Variants in LRMDA observed in about 807,000 individuals in gnomAD.
LRMDA encodes leucine-rich melanocyte differentiation-associated protein.
Under a neutral mutation model 29.8 loss-of-function variants are expected in LRMDA, and 18 were observed. The ratio of observed to expected loss-of-function variants is 0.60; its 90% CI spans 0.42 to 0.90. LRMDA has a LOEUF of 0.90. Among genes scored for constraint, LRMDA ranks in the 40% least tolerant of loss-of-function variants. The pLI, the probability that LRMDA is intolerant of heterozygous loss-of-function variation, is 0.00. For missense variants in LRMDA, 273 were observed against 273.9 expected, an observed-to-expected ratio of 1.00 and a Z score of 0.02; for synonymous variants, 125 against 109.4, an observed-to-expected ratio of 1.14 and a Z score of -0.89.
chr10:75,489,037 A>G (rs1464250925), intron 2 of LRMDA, among the ~76,000 whole-genome samples: 10 of 152,128 alleles, frequency 6.6e-5, no homozygotes, highest in Non-Finnish European at 1.5e-5. Context: ...TTTCCCAGAA[A>G]GATAAATTAC....
chr10:75,752,860 G>T (rs1842984724), intron 2 of LRMDA, among the ~76,000 whole-genome samples: 1 of 152,122 alleles, frequency 6.6e-6, no homozygotes, highest in African/African-American at 2.4e-5. Flanking sequence ...ATTTACTCCT[G>T]CAATTCTGAG....
At chr10:75,888,031 G>A (rs911425453) in intron 2 of LRMDA, among the ~76,000 whole-genome samples, 2 of 152,166 alleles carry the variant, frequency 1.3e-5, no homozygotes, top group African/African-American at 4.8e-5. Flanking sequence ...CTATGTAAGA[G>A]CTCTTTAAAA....
intron 5 of LRMDA, among the ~76,000 whole-genome samples, chr10:76,177,778 C>T (rs949132871): frequency 6.6e-6 from 1 of 152,130 alleles, no homozygotes. Flanking sequence ...GAAAGAGAAC[C>T]AGCATAGGTT....
intron 2 of LRMDA, among the ~76,000 whole-genome samples, chr10:75,752,302 C>A (rs890082361): frequency 2.0e-5 from 3 of 150,614 alleles, no homozygotes; most frequent in African/African-American, 7.3e-5. Flanking sequence ...AGCTCCGCCT[C>A]CCAGGCTCAT....
chr10:75,750,351 A>G (rs1421948136), intron 2 of LRMDA, among the ~76,000 whole-genome samples: 1 of 148,918 alleles, frequency 6.7e-6, no homozygotes, highest in African/African-American at 2.5e-5. Flanking sequence ...GGGGCTCCTC[A>G]CTTCTCAGAC....
intron 2 of LRMDA, among the ~76,000 whole-genome samples, chr10:75,616,991 C>T (rs1841111725): frequency 6.6e-6 from 1 of 152,172 alleles, no homozygotes; most frequent in African/African-American, 2.4e-5. Flanking sequence ...CTTAAAGTCA[C>T]TGGCTAGGGA....
At chr10:76,504,983 AG>A (rs2132346128) in intron 6 of LRMDA, among the ~76,000 whole-genome samples, 1 of 152,096 alleles carries the variant, frequency 6.6e-6, no homozygotes, top group East Asian at 1.9e-4. Flanking sequence ...ACCTCTTGTA[AG>A]GTTGGTCTAG....
intron 2 of LRMDA, among the ~76,000 whole-genome samples, chr10:75,673,425 CTG>C (rs1307183119): frequency 6.6e-6 from 1 of 152,170 alleles, no homozygotes; most frequent in Non-Finnish European, 1.5e-5. Context: ...ATATTTGATG[CTG>C]TGTGTCTTGA....
rs576400922 is a variant in LRMDA, at chr10:76,372,125, T to C, written c.601+47640T>C. ...AGCAGCTTTAGCCATAGTCTTTCTTTCACTCATTAACTTTCTTAGACTTAT... is the reference window on the plus strand; with the variant it reads ...AGCAGCTTTAGCCATAGTCTTTCTTCCACTCATTAACTTTCTTAGACTTAT... On this transcript the variant is annotated intron_variant, in intron 6 of 6. Transcript: ENST00000611255. Among the ~76,000 whole-genome samples the C allele has an allele frequency of 2.0e-5, 3 of 152,304 alleles. No homozygotes were observed. The East Asian group carries it at 5.8e-4, about 29-fold the overall frequency.
At chr10:76,338,777 G>T (rs1841001226) in intron 6 of LRMDA, among the ~76,000 whole-genome samples, 1 of 152,082 alleles carries the variant, frequency 6.6e-6, no homozygotes, top group Admixed American at 6.5e-5. Flanking sequence ...GAAAATACTG[G>T]AATTAAAGGA....
intron 2 of LRMDA, among the ~76,000 whole-genome samples, chr10:75,547,060 G>A (rs904857833): frequency 4.6e-5 from 7 of 152,132 alleles, no homozygotes; most frequent in Admixed American, 2.0e-4. Context: ...AAATCACCAA[G>A]TGCTTGTTGC....
intron 5 of LRMDA, among the ~76,000 whole-genome samples, chr10:76,284,476 C>CT (rs1196624452): frequency 1.3e-5 from 2 of 152,160 alleles, no homozygotes; most frequent in African/African-American, 4.8e-5. Flanking sequence ...TTTCAGACAT[C>CT]TGACCTCCAG....
intron 5 of LRMDA, among the ~76,000 whole-genome samples, chr10:76,149,308 C>G (rs1850393962): frequency 6.6e-6 from 1 of 152,180 alleles, no homozygotes; most frequent in African/African-American, 2.4e-5. Flanking sequence ...AGAAGTCATT[C>G]TTACAGTGCA....
At chr10:75,964,602 G>C (rs1241037429) in intron 2 of LRMDA, among the ~76,000 whole-genome samples, 1 of 152,168 alleles carries the variant, frequency 6.6e-6, no homozygotes, top group Non-Finnish European at 1.5e-5. Context: ...ACAGTTCTAT[G>C]ACCATAAAGC....
intron 2 of LRMDA, among the ~76,000 whole-genome samples, chr10:75,953,849 T>C (rs1208262413): frequency 6.6e-6 from 1 of 152,160 alleles, no homozygotes; most frequent in Non-Finnish European, 1.5e-5. Flanking sequence ...TGATGAGATA[T>C]CACTGCCCTG....
intron 2 of LRMDA, among the ~76,000 whole-genome samples, chr10:75,506,760 A>G (rs187090089): frequency 2.2e-4 from 33 of 152,276 alleles, no homozygotes; most frequent in African/African-American, 7.9e-4. Flanking sequence ...GTCTTTCCCC[A>G]TGGAAATCTT....
chr10:76,327,435 T>G (rs547116175), intron 6 of LRMDA, among the ~76,000 whole-genome samples: 2 of 152,264 alleles, frequency 1.3e-5, no homozygotes, highest in African/African-American at 4.8e-5. Flanking sequence ...TCTTCAGGTA[T>G]CAGCTTACAT....
At chr10:75,703,288 G>A (rs1842330045) in intron 2 of LRMDA, among the ~76,000 whole-genome samples, 1 of 152,186 alleles carries the variant, frequency 6.6e-6, no homozygotes, top group South Asian at 2.1e-4. Context: ...GTGGGATTGG[G>A]GGACGCAAGC....
At chr10:76,303,365 A>G (rs553991217) in intron 5 of LRMDA, among the ~76,000 whole-genome samples, 3 of 152,150 alleles carry the variant, frequency 2.0e-5, no homozygotes, top group Admixed American at 6.5e-5. Flanking sequence ...AAAATAAAGC[A>G]TAAGTACCAG....
Sources: allele counts gnomAD v4.1 joint callset (sites outside exome capture counted in the v4.1 genomes callset), GRCh38; gene constraint gnomAD v4.1.1; transcripts MANE v1.5; gene names NCBI Gene and HGNC (gene_info 2026-07-23, HGNC 2026-07-21).